The following ST6GALNAC5 variants were observed in gnomAD, a reference collection of about 807,000 sequenced individuals.
ST6GALNAC5 encodes alpha-N-acetylgalactosaminide alpha-2,6-sialyltransferase 5.
In ST6GALNAC5, 27 loss-of-function variants were observed where a neutral mutation model predicts 33.6. The observed-to-expected ratio is 0.80, with a 90% CI of 0.59 to 1.11. The LOEUF is 1.11. Among genes scored for constraint, ST6GALNAC5 ranks in the 50% least tolerant of loss-of-function variants. The probability of loss-of-function intolerance (pLI) is 0.00; values close to 1 mark genes in which losing one functional copy is unlikely to be tolerated. For synonymous variants in ST6GALNAC5, 194 were observed against 171.2 expected (o/e 1.13, Z -1.04); for missense variants, 428 against 454.0 (o/e 0.94, Z 0.52).
chr1:76,974,031 T>A (rs1319022885), intron 2 of ST6GALNAC5, among the ~76,000 whole-genome samples: 1 of 152,074 alleles, frequency 6.6e-6, no homozygotes, highest in African/African-American at 2.4e-5. Flanking sequence ...TATTCTAGTA[T>A]ATAAGAATAA....
chr1:77,001,534 A>G (rs1650165400), intron 2 of ST6GALNAC5, among the ~76,000 whole-genome samples: 1 of 147,240 alleles, frequency 6.8e-6, no homozygotes, highest in South Asian at 2.2e-4. Context: ...ACTATGTTGA[A>G]TAGGAGTGGT....
chr1:77,039,498 G>T (rs1253358737), intron 2 of ST6GALNAC5, among the ~76,000 whole-genome samples: 1 of 152,154 alleles, frequency 6.6e-6, no homozygotes, highest in Non-Finnish European at 1.5e-5. Flanking sequence ...CAAGGCCTGG[G>T]GTTTACAGCC....
chr1:76,908,058 C>A (rs1451442405), intron 2 of ST6GALNAC5, among the ~76,000 whole-genome samples: 1 of 152,034 alleles, frequency 6.6e-6, no homozygotes, highest in Non-Finnish European at 1.5e-5. Context: ...TTTTATGATA[C>A]TATTTGTTAC....
At chr1:76,968,143 C>A (rs1221889549) in intron 2 of ST6GALNAC5, among the ~76,000 whole-genome samples, 1 of 152,046 alleles carries the variant, frequency 6.6e-6, no homozygotes, top group East Asian at 1.9e-4. Context: ...TCCTTGTTAA[C>A]CTTCTGTCTC....
intron 2 of ST6GALNAC5, among the ~76,000 whole-genome samples, chr1:76,934,214 T>C (rs1479685840): frequency 6.6e-5 from 10 of 152,000 alleles, no homozygotes; most frequent in Admixed American, 6.6e-4. Context: ...AACTCAGAAA[T>C]GGAATCTGGC....
At chr1:76,993,388 T>A (rs1649810753) in intron 2 of ST6GALNAC5, among the ~76,000 whole-genome samples, 2 of 152,214 alleles carry the variant, frequency 1.3e-5, no homozygotes, top group Non-Finnish European at 2.9e-5. Flanking sequence ...GCTAAACTAA[T>A]GAACACTTTA....
At chr1:77,044,666 T>C (rs1322767884) in intron 3 of ST6GALNAC5, 53 bp downstream of exon 3, 2 of 1,505,004 alleles carry the variant, frequency 1.3e-6, no homozygotes, top group African/African-American at 1.4e-5. Flanking sequence ...AAGTCATCAC[T>C]GGCTGACTCA....
In ST6GALNAC5 at chr1:77,063,398, G is replaced by A. The variant is rs1403578828; in HGVS notation, c.*192G>A. ...TGTAAGGAAAAATTCCGGAATTAAT[G>A]CATCCTAATGAATGTTGTCCCCTTC... is the stretch of plus-strand genomic sequence containing the variant. On this transcript the variant is annotated 3_prime_UTR_variant, in exon 5 of 5. Transcript: ENST00000477717. 1.5e-5 allele frequency: 9 copies of A among 589,694 alleles called. No homozygotes were observed. The highest frequency in any genetic ancestry group is 2.7e-5 in the Non-Finnish European group (9 of 330,672). 36.5% of individuals were successfully genotyped at this position (589,694 alleles called of 1,614,324 possible). A position where few individuals can be genotyped will look rare whatever the true frequency, so the allele number is the denominator to read the frequency against.
At chr1:76,889,911 C>T (rs932518362) in intron 2 of ST6GALNAC5, among the ~76,000 whole-genome samples, 4 of 151,960 alleles carry the variant, frequency 2.6e-5, no homozygotes, top group Non-Finnish European at 5.9e-5. Context: ...ATTTATGTAT[C>T]TGATAACATT....
chr1:77,051,107 G>T (rs1445378116), intron 4 of ST6GALNAC5, among the ~76,000 whole-genome samples: 1 of 152,198 alleles, frequency 6.6e-6, no homozygotes, highest in African/African-American at 2.4e-5. Context: ...AATGGCAAAA[G>T]CTGGGGTGGG....
At chr1:76,914,395 C>T (rs921403757) in intron 2 of ST6GALNAC5, among the ~76,000 whole-genome samples, 1 of 152,090 alleles carries the variant, frequency 6.6e-6, no homozygotes. Context: ...CAATCCTAAG[C>T]CAAAAGAACA....
intron 2 of ST6GALNAC5, among the ~76,000 whole-genome samples, chr1:76,928,335 A>T (rs930409478): frequency 1.3e-5 from 2 of 152,154 alleles, no homozygotes; most frequent in Admixed American, 6.6e-5. Flanking sequence ...CATATTCATT[A>T]CGGTGTGCTG....
intron 2 of ST6GALNAC5, among the ~76,000 whole-genome samples, chr1:76,938,680 G>T (rs112117165): frequency 2.6e-4 from 39 of 152,140 alleles, no homozygotes; most frequent in Admixed American, 6.5e-4. Flanking sequence ...CTCTACTGTA[G>T]TAGTTTCTAC....
chr1:77,033,953 C>T (rs545546827), intron 2 of ST6GALNAC5, among the ~76,000 whole-genome samples: 27 of 152,196 alleles, frequency 1.8e-4, no homozygotes, highest in Non-Finnish European at 3.2e-4. Flanking sequence ...AGAGAATGAC[C>T]TGAAAGGTGA....
chr1:76,979,074 G>T (rs890878073), intron 2 of ST6GALNAC5, among the ~76,000 whole-genome samples: 1 of 151,118 alleles, frequency 6.6e-6, no homozygotes. Flanking sequence ...GGAGGTGAAA[G>T]ATCCCTATAG....
intron 4 of ST6GALNAC5, among the ~76,000 whole-genome samples, chr1:77,057,174 A>T (rs1322968054): frequency 6.6e-6 from 1 of 152,198 alleles, no homozygotes; most frequent in East Asian, 1.9e-4. Context: ...AGTGTCTAAG[A>T]GTTCTAGAGA....
At chr1:77,061,667 C>T (rs1259393759) in intron 4 of ST6GALNAC5, among the ~76,000 whole-genome samples, 1 of 152,164 alleles carries the variant, frequency 6.6e-6, no homozygotes, top group Non-Finnish European at 1.5e-5. Flanking sequence ...ACTAATCTTA[C>T]CATTCATTCT....
At chr1:76,985,956 G>A (rs540979320) in intron 2 of ST6GALNAC5, among the ~76,000 whole-genome samples, 20 of 152,172 alleles carry the variant, frequency 1.3e-4, no homozygotes, top group Non-Finnish European at 2.6e-4. Context: ...CTAGCCATAT[G>A]TAGAAAGCTG....
intron 2 of ST6GALNAC5, among the ~76,000 whole-genome samples, chr1:76,977,415 C>A (rs1230602563): frequency 1.3e-5 from 2 of 152,104 alleles, no homozygotes. Flanking sequence ...CAGAACTATT[C>A]TTCTTGTCTA....
Sources: allele counts gnomAD v4.1 joint callset (sites outside exome capture counted in the v4.1 genomes callset), GRCh38; gene constraint gnomAD v4.1.1; transcripts MANE v1.5; gene names NCBI Gene and HGNC (gene_info 2026-07-23, HGNC 2026-07-21).